Variants in DCUN1D4 observed in about 807,000 individuals in gnomAD.
DCUN1D4 encodes defective in cullin neddylation 1 domain containing 4.
In DCUN1D4, 22 loss-of-function variants were observed where a neutral mutation model predicts 47.9. The ratio of observed to expected loss-of-function variants is 0.46; its 90% CI spans 0.33 to 0.66. DCUN1D4 has a LOEUF of 0.66. Among genes scored for constraint, DCUN1D4 ranks in the 30% least tolerant of loss-of-function variants. DCUN1D4 has a pLI of 0.02. For synonymous variants in DCUN1D4, 121 were observed against 112.2 expected, an observed-to-expected ratio of 1.08 and a Z score of -0.50; for missense variants, 301 against 340.8, an observed-to-expected ratio of 0.88 and a Z score of 0.92.
At chr4:51,891,689 C>A in intron 6 of DCUN1D4, 71 bp from the exon 7 acceptor site, 1 of 1,218,116 alleles carries the variant, frequency 8.2e-7, no homozygotes, top group African/African-American at 1.6e-5. Flanking sequence ...GTATTAATGA[C>A]AGATCTATTT....
intron 7 of DCUN1D4, among the ~76,000 whole-genome samples, chr4:51,895,036 G>A (rs1026107877): frequency 1.3e-5 from 2 of 151,990 alleles, no homozygotes; most frequent in African/African-American, 4.8e-5. Flanking sequence ...GCGCCCTTGG[G>A]TCTCTTAACT....
Position 51,913,837 on chromosome 4 carries a change from G to A in DCUN1D4, c.*253G>A, listed in dbSNP as rs1295573011. The stretch of plus-strand genomic sequence containing the variant: ...GCCAACGTCCTCACTGTGATTATGT[G>A]TATATTGCTGTTTAAATTTTGTATA... On this transcript the variant is annotated 3_prime_UTR_variant, in exon 11 of 11. Transcript: ENST00000334635. 3 of 385,976 alleles carry A rather than the reference G, an allele frequency of 7.8e-6. No homozygotes were observed. Among genetic ancestry groups the A allele is most frequent in the Admixed American group, 4.2e-5 (1 of 23,664 alleles). 23.9% of individuals were successfully genotyped at this position (385,976 alleles called of 1,614,324 possible). A position where few individuals can be genotyped will look rare whatever the true frequency, so the allele number is the denominator to read the frequency against.
intron 5 of DCUN1D4, among the ~76,000 whole-genome samples, chr4:51,879,219 C>T (rs1332223590): frequency 6.6e-6 from 1 of 152,164 alleles, no homozygotes; most frequent in Non-Finnish European, 1.5e-5. Flanking sequence ...ATGCTGTTAG[C>T]ATTTGTCTGT....
chr4:51,910,454 C>T (rs183917143), intron 8 of DCUN1D4, among the ~76,000 whole-genome samples: 3 of 152,178 alleles, frequency 2.0e-5, no homozygotes, highest in East Asian at 3.9e-4. Flanking sequence ...ATCTATCTGT[C>T]TATTGAAGGA....
At chr4:51,845,774 T>C (rs1369830251) in intron 1 of DCUN1D4, among the ~76,000 whole-genome samples, 6 of 152,226 alleles carry the variant, frequency 3.9e-5, no homozygotes, top group Admixed American at 3.9e-4. Flanking sequence ...TGTAAACCTT[T>C]TGGTGTGGTT....
At chr4:51,856,925 C>A (rs150032220) in intron 1 of DCUN1D4, among the ~76,000 whole-genome samples, 1 of 152,340 alleles carries the variant, frequency 6.6e-6, no homozygotes, top group East Asian at 1.9e-4. Flanking sequence ...CTTCCTCCAG[C>A]ATTGGAATAG....
At chr4:51,886,364 A>G (rs1415079071) in intron 5 of DCUN1D4, among the ~76,000 whole-genome samples, 1 of 152,232 alleles carries the variant, frequency 6.6e-6, no homozygotes, top group African/African-American at 2.4e-5. Context: ...GGACATGGTG[A>G]TAAGTTGATT....
chr4:51,902,222 A>C (rs1732225944), intron 8 of DCUN1D4, among the ~76,000 whole-genome samples: 1 of 152,196 alleles, frequency 6.6e-6, no homozygotes, highest in Admixed American at 6.5e-5. Flanking sequence ...TTTTATGCGT[A>C]CTTTAAAAGA....
At chr4:51,842,320 T>C (rs971633985), upstream of DCUN1D4, among the ~76,000 whole-genome samples, 6 of 152,122 alleles carry the variant, frequency 3.9e-5, no homozygotes, top group African/African-American at 1.4e-4. Context: ...TGTATTTCTG[T>C]CTGATGTCTG....
intron 1 of DCUN1D4, among the ~76,000 whole-genome samples, chr4:51,861,862 C>G (rs1278016372): frequency 6.6e-6 from 1 of 152,188 alleles, no homozygotes; most frequent in East Asian, 1.9e-4. Flanking sequence ...GCACCTCTTG[C>G]TGGTCCTGAG....
chr4:51,835,061 T>A, the DCUN1D4 span, among the ~76,000 whole-genome samples: 1 of 151,974 alleles, frequency 6.6e-6, no homozygotes, highest in African/African-American at 2.4e-5. Flanking sequence ...TGCTAGGTGT[T>A]TACTGATGCT....
intron 8 of DCUN1D4, among the ~76,000 whole-genome samples, chr4:51,904,917 T>C (rs1400824255): frequency 6.6e-6 from 1 of 152,212 alleles, no homozygotes; most frequent in African/African-American, 2.4e-5. Context: ...ATGATATAAT[T>C]TTAATATCCC....
intron 5 of DCUN1D4, among the ~76,000 whole-genome samples, chr4:51,882,270 T>A (rs1239498222): frequency 6.6e-6 from 1 of 152,162 alleles, no homozygotes; most frequent in Admixed American, 6.5e-5. Context: ...TGGGGTGCAG[T>A]CAGCAGAAGC....
At chr4:51,862,461 C>A (rs1032462724) in intron 1 of DCUN1D4, among the ~76,000 whole-genome samples, 6 of 152,214 alleles carry the variant, frequency 3.9e-5, no homozygotes, top group Admixed American at 6.5e-5. Context: ...TTCTTTGGAT[C>A]TGATACGTGT....
At chr4:51,873,429 T>G (rs1315008652) in intron 3 of DCUN1D4, among the ~76,000 whole-genome samples, 1 of 152,216 alleles carries the variant, frequency 6.6e-6, no homozygotes, top group Non-Finnish European at 1.5e-5. Context: ...AGTTTATAAC[T>G]TAAGACGGCC....
At chr4:51,841,600 T>C (rs1721656174), upstream of DCUN1D4, among the ~76,000 whole-genome samples, 1 of 152,142 alleles carries the variant, frequency 6.6e-6, no homozygotes, top group African/African-American at 2.4e-5. Context: ...AAGTGATTCA[T>C]AAATGTTTGA....
At chr4:51,910,337 G>C (rs1485914157) in intron 8 of DCUN1D4, among the ~76,000 whole-genome samples, 1 of 152,096 alleles carries the variant, frequency 6.6e-6, no homozygotes, top group African/African-American at 2.4e-5. Flanking sequence ...CCTTATTTAG[G>C]TTTATGTTCT....
At chr4:51,838,019 A>T (rs1721540724), upstream of DCUN1D4, among the ~76,000 whole-genome samples, 1 of 152,116 alleles carries the variant, frequency 6.6e-6, no homozygotes, top group South Asian at 2.1e-4. Context: ...CTCTACTAAA[A>T]ATACAAAATT....
chr4:51,902,604 A>G (rs1484534876), intron 8 of DCUN1D4, among the ~76,000 whole-genome samples: 2 of 152,106 alleles, frequency 1.3e-5, no homozygotes, highest in Non-Finnish European at 2.9e-5. Flanking sequence ...TATCTTTTTT[A>G]AATCTTTTAC....
Sources: gnomAD v4.1 joint callset for allele counts (sites outside exome capture counted in the v4.1 genomes callset) on GRCh38, gnomAD v4.1.1 for gene constraint, MANE v1.5 for transcripts, NCBI Gene and HGNC (gene_info 2026-07-23, HGNC 2026-07-21) for gene names.